PRELID2: variants seen among roughly 807,000 people sequenced by gnomAD.
PRELID2 encodes PRELI domain-containing protein 2.
Under a neutral mutation model 28.4 loss-of-function variants are expected in PRELID2, and 25 were observed. The ratio of observed to expected loss-of-function variants is 0.88; its 90% CI spans 0.64 to 1.23. PRELID2 has a LOEUF of 1.23. PRELID2 is among the 50% of genes most tolerant of loss of function. The pLI is 0.00. For missense variants in PRELID2, 201 were observed against 214.4 expected (o/e 0.94, Z 0.39); for synonymous variants, 76 against 71.6 (o/e 1.06, Z -0.31).
intron 1 of PRELID2, among the ~76,000 whole-genome samples, chr5:145,637,950 A>G (rs1754030011): frequency 6.6e-6 from 1 of 151,796 alleles, no homozygotes; most frequent in Non-Finnish European, 1.5e-5. Context: ...AGCTGGGATT[A>G]CAGGCGCGCA....
intron 1 of PRELID2, among the ~76,000 whole-genome samples, chr5:145,492,471 C>G (rs1752278062): frequency 7.1e-6 from 1 of 141,108 alleles, no homozygotes; most frequent in Non-Finnish European, 1.6e-5. Context: ...TGTAGGTTAT[C>G]TCTTCATTCT....
chr5:145,635,199 G>C (rs1270991661), intron 1 of PRELID2, among the ~76,000 whole-genome samples: 1 of 152,166 alleles, frequency 6.6e-6, no homozygotes, highest in African/African-American at 2.4e-5. Flanking sequence ...GATTGTTTGT[G>C]TCTGTCTCTT....
chr5:145,551,195 G>A (rs1561504488), intron 1 of PRELID2, among the ~76,000 whole-genome samples: 2 of 152,090 alleles, frequency 1.3e-5, no homozygotes, highest in East Asian at 1.9e-4. Flanking sequence ...AAGGTCAGGA[G>A]TTCAAGACCA....
chr5:145,675,737 G>GA (rs921045465), intron 1 of PRELID2, among the ~76,000 whole-genome samples: 21 of 151,860 alleles, frequency 1.4e-4, no homozygotes, highest in African/African-American at 4.6e-4. Flanking sequence ...AAGGATTATA[G>GA]AAAAAAAATG....
chr5:145,676,383 C>A (rs1215530186), intron 1 of PRELID2, among the ~76,000 whole-genome samples: 1 of 151,958 alleles, frequency 6.6e-6, no homozygotes, highest in East Asian at 1.9e-4. Context: ...ACTAAAAATA[C>A]AAAAAATTAT....
chr5:145,320,362 A>G, the PRELID2 span, among the ~76,000 whole-genome samples: 6,295 of 150,628 alleles, frequency 0.042, 433 homozygotes, highest in African/African-American at 0.14. Context: ...GCTCCGCCTC[A>G]CCGCTTCACG....
the PRELID2 span, among the ~76,000 whole-genome samples, chr5:145,316,684 C>T: frequency 2.0e-3 from 312 of 152,288 alleles, 10 homozygotes; most frequent in East Asian, 0.052. Flanking sequence ...AGAGTTAGGG[C>T]TACTCCCCAG....
intron 1 of PRELID2, among the ~76,000 whole-genome samples, chr5:145,689,951 C>T (rs1228876282): frequency 6.6e-6 from 1 of 151,322 alleles, no homozygotes; most frequent in Non-Finnish European, 1.5e-5. Context: ...TTTTAAGTGC[C>T]GTTCACCTTA....
chr5:145,607,795 T>C (rs1205891239), intron 1 of PRELID2, among the ~76,000 whole-genome samples: 1 of 152,084 alleles, frequency 6.6e-6, no homozygotes, highest in Admixed American at 6.5e-5. Flanking sequence ...CCTGAATGTG[T>C]TTGTTAGTTT....
At chr5:145,310,247 A>G in the PRELID2 span, among the ~76,000 whole-genome samples, 2 of 152,246 alleles carry the variant, frequency 1.3e-5, no homozygotes, top group African/African-American at 4.8e-5. Context: ...TTATCAATAC[A>G]GTTTTAAATT....
chr5:145,712,815 T>A (rs1260763339), intron 1 of PRELID2, among the ~76,000 whole-genome samples: 1 of 151,988 alleles, frequency 6.6e-6, no homozygotes, highest in Non-Finnish European at 1.5e-5. Flanking sequence ...GTGGGCTATT[T>A]CAGCAGAGAT....
At chr5:145,495,219 A>C (rs569509938) in intron 1 of PRELID2, among the ~76,000 whole-genome samples, 7 of 152,286 alleles carry the variant, frequency 4.6e-5, no homozygotes, top group Non-Finnish European at 8.8e-5. Flanking sequence ...ACAGTCTCTC[A>C]GCATCACCAT....
chr5:145,392,030 T>C, the PRELID2 span, among the ~76,000 whole-genome samples: 1 of 152,086 alleles, frequency 6.6e-6, no homozygotes, highest in Admixed American at 6.6e-5. Context: ...TTTCCTGTCT[T>C]CTTCTGGGCC....
At chr5:145,546,579 G>A (rs1216871366) in intron 1 of PRELID2, among the ~76,000 whole-genome samples, 1 of 152,144 alleles carries the variant, frequency 6.6e-6, no homozygotes, top group African/African-American at 2.4e-5. Context: ...GAACATACCA[G>A]AGACTGTCTG....
the PRELID2 span, among the ~76,000 whole-genome samples, chr5:145,280,044 G>A: frequency 6.6e-6 from 1 of 152,006 alleles, no homozygotes; most frequent in Non-Finnish European, 1.5e-5. Flanking sequence ...ATCAGACAGG[G>A]CCTCAAACTT....
intron 5 of PRELID2, among the ~76,000 whole-genome samples, chr5:145,782,202 C>A (rs1014240425): frequency 6.6e-6 from 1 of 152,184 alleles, no homozygotes; most frequent in Non-Finnish European, 1.5e-5. Flanking sequence ...TAGAGACAAG[C>A]CATGCATTTG....
At chr5:145,540,835 A>T (rs960754535) in intron 1 of PRELID2, among the ~76,000 whole-genome samples, 1 of 151,992 alleles carries the variant, frequency 6.6e-6, no homozygotes, top group African/African-American at 2.4e-5. Flanking sequence ...TTTTTGAGAC[A>T]ACCAGAGAAA....
At chr5:145,384,476 C>T in the PRELID2 span, among the ~76,000 whole-genome samples, 1 of 152,000 alleles carries the variant, frequency 6.6e-6, no homozygotes, top group Admixed American at 6.6e-5. Flanking sequence ...ATATTCAAAA[C>T]ATATATTGAA....
the PRELID2 span, among the ~76,000 whole-genome samples, chr5:145,352,297 G>A: frequency 1.3e-5 from 2 of 152,168 alleles, no homozygotes; most frequent in Admixed American, 6.5e-5. Context: ...TGAAATCTAG[G>A]CAGATGTTAC....
Sources: gnomAD v4.1 joint callset for allele counts (sites outside exome capture counted in the v4.1 genomes callset) on GRCh38, gnomAD v4.1.1 for gene constraint, MANE v1.5 for transcripts, NCBI Gene and HGNC (gene_info 2026-07-23, HGNC 2026-07-21) for gene names.